The following PDE10A variants were observed in gnomAD, a reference collection of about 807,000 sequenced individuals.
PDE10A encodes phosphodiesterase 10A, also known as cAMP and cAMP-inhibited cGMP 3',5'-cyclic phosphodiesterase 10A.
PDE10A carries 39 observed loss-of-function variants against 97.7 expected under a neutral mutation model. That is an observed-to-expected ratio of 0.40 (90% confidence interval 0.31 to 0.52). The LOEUF (loss-of-function observed/expected upper bound fraction) is 0.52, where lower values mean the gene tolerates loss of function less well. Among genes scored for constraint, PDE10A ranks in the 20% least tolerant of loss-of-function variants. PDE10A has a pLI of 0.56. For missense variants in PDE10A, 731 were observed against 1,047.8 expected, an observed-to-expected ratio of 0.70 and a Z score of 4.17; for synonymous variants, 371 against 376.8, an observed-to-expected ratio of 0.98 and a Z score of 0.18.
intron 1 of PDE10A, among the ~76,000 whole-genome samples, chr6:165,690,075 G>T (rs1791229705): frequency 6.6e-6 from 1 of 152,122 alleles, no homozygotes; most frequent in Non-Finnish European, 1.5e-5. Flanking sequence ...ATTAGGTAAG[G>T]CTCTGTCATT....
At chr6:165,564,575 T>A (rs1307716528) in intron 1 of PDE10A, among the ~76,000 whole-genome samples, 1 of 152,220 alleles carries the variant, frequency 6.6e-6, no homozygotes, top group African/African-American at 2.4e-5. Flanking sequence ...ATAGCTACTG[T>A]AGACATGTTA....
intron 18 of PDE10A, among the ~76,000 whole-genome samples, chr6:165,376,019 T>C (rs370607882): frequency 6.6e-6 from 1 of 152,240 alleles, no homozygotes; most frequent in Non-Finnish European, 1.5e-5. Context: ...TAATGCATTT[T>C]CAAGCCTGTT....
At chr6:165,882,359 TTGG>T (rs1001522054) in intron 1 of PDE10A, among the ~76,000 whole-genome samples, 25 of 152,226 alleles carry the variant, frequency 1.6e-4, no homozygotes, top group African/African-American at 5.3e-4. Flanking sequence ...TAGCATGATA[TTGG>T]TGTTGTATGA....
intron 1 of PDE10A, among the ~76,000 whole-genome samples, chr6:165,674,276 G>A (rs1296053390): frequency 6.6e-6 from 1 of 151,646 alleles, no homozygotes; most frequent in African/African-American, 2.4e-5. Flanking sequence ...AAGATTATGT[G>A]TATGGAAATG....
chr6:165,426,382 T>C (rs931025139), intron 10 of PDE10A, among the ~76,000 whole-genome samples: 1 of 152,120 alleles, frequency 6.6e-6, no homozygotes, highest in African/African-American at 2.4e-5. Context: ...GAAAATGGCA[T>C]TTTATGTTCA....
At chr6:165,970,237 C>G (rs1018268581) in intron 1 of PDE10A, among the ~76,000 whole-genome samples, 4 of 152,212 alleles carry the variant, frequency 2.6e-5, no homozygotes, top group African/African-American at 7.2e-5. Flanking sequence ...ACCAAAGAGA[C>G]AAATGCTATG....
At chr6:165,341,603 A>T (rs533933576) in intron 19 of PDE10A, among the ~76,000 whole-genome samples, 2 of 152,300 alleles carry the variant, frequency 1.3e-5, no homozygotes, top group East Asian at 3.9e-4. Context: ...AACGATCCTT[A>T]CACGGGATTC....
At chr6:165,828,068 C>A (rs1423224820) in intron 1 of PDE10A, among the ~76,000 whole-genome samples, 1 of 152,204 alleles carries the variant, frequency 6.6e-6, no homozygotes, top group African/African-American at 2.4e-5. Flanking sequence ...CAGGAGCCTA[C>A]TCTTGGATTA....
intron 1 of PDE10A, among the ~76,000 whole-genome samples, chr6:165,554,133 T>C (rs1256996716): frequency 1.3e-5 from 2 of 152,140 alleles, no homozygotes; most frequent in South Asian, 2.1e-4. Context: ...CTCATAAGCA[T>C]AGGCAACCAA....
chr6:165,782,648 C>G (rs1298158130), intron 1 of PDE10A, among the ~76,000 whole-genome samples: 1 of 152,202 alleles, frequency 6.6e-6, no homozygotes, highest in Non-Finnish European at 1.5e-5. Flanking sequence ...CGTATTTCCC[C>G]TGGGTCCATG....
intron 2 of PDE10A, among the ~76,000 whole-genome samples, chr6:165,513,392 G>A (rs1320779102): frequency 6.6e-6 from 1 of 152,024 alleles, no homozygotes; most frequent in Admixed American, 6.6e-5. Flanking sequence ...TCATCGATTT[G>A]TATGCCTATC....
At chr6:165,430,433 G>T in intron 8 of PDE10A, 88 bp from the exon 9 acceptor site, 2 of 766,550 alleles carry the variant, frequency 2.6e-6, no homozygotes, top group South Asian at 1.7e-5. Context: ...CTTATTTATT[G>T]AAAGAAGGCC....
At chr6:165,827,423 G>C (rs1211205751) in intron 1 of PDE10A, among the ~76,000 whole-genome samples, 1 of 152,204 alleles carries the variant, frequency 6.6e-6, no homozygotes, top group Non-Finnish European at 1.5e-5. Context: ...AGTAATTCCT[G>C]GGAATGTGGT....
intron 1 of PDE10A, among the ~76,000 whole-genome samples, chr6:165,592,901 G>A (rs547172458): frequency 6.6e-6 from 1 of 152,294 alleles, no homozygotes; most frequent in Non-Finnish European, 1.5e-5. Flanking sequence ...CAATTCCTCA[G>A]GGATCTAGAA....
intron 3 of PDE10A, among the ~76,000 whole-genome samples, chr6:165,478,404 G>C (rs187961681): frequency 4.6e-5 from 7 of 152,094 alleles, no homozygotes; most frequent in East Asian, 3.9e-4. Context: ...GGCAATGATG[G>C]GGGGGAGGGG....
intron 1 of PDE10A, among the ~76,000 whole-genome samples, chr6:165,602,607 G>A (rs532501973): frequency 8.5e-5 from 13 of 152,238 alleles, no homozygotes; most frequent in African/African-American, 2.4e-4. Context: ...GAATGACCTC[G>A]GTGATGAGTT....
chr6:165,852,502 G>C (rs1780598640), intron 1 of PDE10A, among the ~76,000 whole-genome samples: 1 of 152,210 alleles, frequency 6.6e-6, no homozygotes, highest in African/African-American at 2.4e-5. Context: ...TGAATGAATT[G>C]CTGAGATAAA....
intron 2 of PDE10A, among the ~76,000 whole-genome samples, chr6:165,526,091 A>G (rs528153569): frequency 2.0e-5 from 3 of 152,300 alleles, no homozygotes; most frequent in Non-Finnish European, 4.4e-5. Flanking sequence ...TTATGCGGTG[A>G]ATCTTTCTCT....
intron 18 of PDE10A, among the ~76,000 whole-genome samples, chr6:165,359,086 T>C (rs1363743857): frequency 6.6e-6 from 1 of 152,064 alleles, no homozygotes; most frequent in African/African-American, 2.4e-5. Context: ...TCACTACATA[T>C]GATACAAACC....
Sources: gnomAD v4.1 joint callset for allele counts (sites outside exome capture counted in the v4.1 genomes callset) on GRCh38, gnomAD v4.1.1 for gene constraint, MANE v1.5 for transcripts, NCBI Gene and HGNC (gene_info 2026-07-23, HGNC 2026-07-21) for gene names.